The following GRAMD4 variants were observed in gnomAD, a reference collection of about 807,000 sequenced individuals.
GRAMD4 encodes GRAM domain-containing protein 4.
Under a neutral mutation model 83.9 loss-of-function variants are expected in GRAMD4, and 25 were observed. The observed-to-expected ratio is 0.30, with a 90% CI of 0.22 to 0.42. GRAMD4 has a LOEUF of 0.42. GRAMD4 is among the 10% of genes least tolerant of loss of function. The pLI is 1.00. For synonymous variants in GRAMD4, 336 were observed against 320.9 expected (o/e 1.05, Z -0.50); for missense variants, 593 against 788.7 (o/e 0.75, Z 2.97).
chr22:46,615,928 C>T (rs532576192), upstream of GRAMD4, among the ~76,000 whole-genome samples: 3 of 128,762 alleles, frequency 2.3e-5, no homozygotes, highest in African/African-American at 9.0e-5. Flanking sequence ...GTGTAGGTTC[C>T]CCTGTGCGTG....
upstream of GRAMD4, among the ~76,000 whole-genome samples, chr22:46,576,867 G>T (rs2081046295): frequency 7.0e-6 from 1 of 141,988 alleles, no homozygotes; most frequent in African/African-American, 2.6e-5. Context: ...GGCCGCGCGT[G>T]CGCGTGGGTG....
chr22:46,672,898 G>A lies in GRAMD4; in HGVS notation c.1140G>A (p.Pro380=), dbSNP rs753811754. ...TTGATTTCATCTTTAAACGCTGCCC[G>A]AGGCTGCGCGCCAAGTACGACACGC... The part of the protein sequence containing the change: ...FLIDFIFKRC[P]RLRAKYDTPY... The change falls in exon 14 of 19, where the codon CCG becomes CCA. Residue 380 remains proline (P), a synonymous_variant. Coordinates refer to ENST00000406902, the MANE Select transcript of GRAMD4 (RefSeq NM_015124.5). This position sits in a 1 kb window ranked among gnomAD's most constrained non-coding sequence, Gnocchi z 4.7. 5.0e-6 allele frequency: 8 copies of A among 1,612,206 alleles called. No homozygotes were observed. Among genetic ancestry groups the A allele is most frequent in the African/African-American group, 1.3e-5 (1 of 74,898 alleles).
chr22:46,682,385 A>G, downstream of GRAMD4: 1 of 974,802 alleles, frequency 1.0e-6, no homozygotes, highest in Non-Finnish European at 1.2e-6. Flanking sequence ...AAATGATATG[A>G]TGACAGAAAA....
chr22:46,657,642 C>T (rs1038629996), intron 3 of GRAMD4, among the ~76,000 whole-genome samples: 7 of 152,232 alleles, frequency 4.6e-5, no homozygotes, highest in Non-Finnish European at 4.4e-5. Flanking sequence ...CACCTTCTCC[C>T]GAGGCTTTCC....
intron 2 of GRAMD4, among the ~76,000 whole-genome samples, chr22:46,629,099 G>GA (rs1569272257): frequency 6.6e-6 from 1 of 152,074 alleles, no homozygotes; most frequent in African/African-American, 2.4e-5. Context: ...GCTGCGGGGG[G>GA]AAACCACCTC....
At chr22:46,619,885 C>T (rs1056048947), upstream of GRAMD4, among the ~76,000 whole-genome samples, 1 of 152,198 alleles carries the variant, frequency 6.6e-6, no homozygotes, top group Non-Finnish European at 1.5e-5. Context: ...CTGCGAGTCC[C>T]CCAGGGACAT....
At chr22:46,579,921 A>G (rs1471422460) in intron 1 of GRAMD4, among the ~76,000 whole-genome samples, 1 of 152,074 alleles carries the variant, frequency 6.6e-6, no homozygotes, top group Admixed American at 6.5e-5. Flanking sequence ...GGGTATTTAC[A>G]GAGCTCCTGT....
At chr22:46,666,565 C>G (rs1164939420) in intron 9 of GRAMD4, among the ~76,000 whole-genome samples, 1 of 152,120 alleles carries the variant, frequency 6.6e-6, no homozygotes, top group Non-Finnish European at 1.5e-5. Context: ...AAGGGCCGCC[C>G]TCTCCCACAC....
At chr22:46,579,894 G>A (rs1569242291) in intron 1 of GRAMD4, among the ~76,000 whole-genome samples, 1 of 152,232 alleles carries the variant, frequency 6.6e-6, no homozygotes, top group East Asian at 1.9e-4. Context: ...CCTGCCTAGT[G>A]GCCATGGTGG....
In GRAMD4 at chr22:46,678,982, G is replaced by A. The variant is rs984305376; in HGVS notation, c.*1731G>A. 4.5e-5 allele frequency: 44 copies of A among 985,790 alleles called. 1 individual carries two copies. In the Middle Eastern group the frequency reaches 1.6e-3, roughly 35 times the overall value. The allele number at this position is 985,790 out of a possible 1,614,324, so 61.1% of individuals were successfully genotyped here. A position where few individuals can be genotyped will look rare whatever the true frequency, so the allele number is the denominator to read the frequency against. ...ATGGGGACAGAACCCGCTCTGAGCC[G>A]TGGGTCTGGCTCCTGTAGGGGACTG... On this transcript the variant is annotated 3_prime_UTR_variant, in exon 19 of 19. Transcript: ENST00000406902.
chr22:46,679,457 G>A lies in GRAMD4; in HGVS notation c.*2206G>A, dbSNP rs1016635207. The A allele has an allele frequency of 6.9e-5, 68 of 985,578 alleles. No homozygotes were observed. Among genetic ancestry groups the A allele is most frequent in the East Asian group, 5.7e-4 (5 of 8,818 alleles). 61.1% of individuals were successfully genotyped at this position (985,578 alleles called of 1,614,324 possible). A position where few individuals can be genotyped will look rare whatever the true frequency, so the allele number is the denominator to read the frequency against. ...CCCTGGAAGTCCTCGGGAGCGGAGC[G>A]CGGATCGGCACGGGCTCTGGGCTCC... On this transcript the variant is annotated 3_prime_UTR_variant, in exon 19 of 19. Transcript: ENST00000406902.
At chr22:46,582,091 G>A (rs1349086010) in intron 1 of GRAMD4, among the ~76,000 whole-genome samples, 6 of 152,290 alleles carry the variant, frequency 3.9e-5, no homozygotes, top group African/African-American at 1.4e-4. Flanking sequence ...GCTGGGTGTG[G>A]AGGCCATGGG....
At chr22:46,612,261 A>C (rs549096705) in intron 1 of GRAMD4, among the ~76,000 whole-genome samples, 1 of 151,754 alleles carries the variant, frequency 6.6e-6, no homozygotes, top group South Asian at 2.1e-4. Flanking sequence ...CCTGCATTGG[A>C]CTCCCAGAGT....
chr22:46,636,340 C>T (rs1485793328), intron 2 of GRAMD4, among the ~76,000 whole-genome samples: 5 of 152,194 alleles, frequency 3.3e-5, no homozygotes. Flanking sequence ...CCCACAGGGT[C>T]CGTCCAGCGG....
intron 5 of GRAMD4, among the ~76,000 whole-genome samples, chr22:46,662,577 C>T (rs980607524): frequency 2.0e-5 from 3 of 152,340 alleles, no homozygotes; most frequent in East Asian, 1.9e-4. Context: ...CACAGCCTCC[C>T]GCTGCGCCAT....
Position 46,666,882 on chromosome 22 carries a change from C to G in GRAMD4, c.858+9C>G. The G allele has an allele frequency of 6.3e-7, 1 of 1,574,934 alleles. No individual in the cohort carries two copies. The highest frequency in any genetic ancestry group is 1.4e-5 in the African/African-American group (1 of 73,462). On this transcript the variant is annotated intron_variant, in intron 10 of 18. Coordinates refer to ENST00000406902, the MANE Select transcript of GRAMD4 (RefSeq NM_015124.5). ...AAGTGTCTGAGCCCGTGGTAAGTCC[C>G]TGGAGGGTGCACGGTCTCCTCCGAC...
At chr22:46,669,956 A>C (rs1263619414) in intron 13 of GRAMD4, among the ~76,000 whole-genome samples, 5 of 152,176 alleles carry the variant, frequency 3.3e-5, no homozygotes, top group African/African-American at 1.2e-4. Flanking sequence ...CCAGTGTCTG[A>C]CATGGGCCAC....
chr22:46,673,097 G>A, intron 14 of GRAMD4, 100 bp downstream of exon 14: 1 of 976,712 alleles, frequency 1.0e-6, no homozygotes, highest in Non-Finnish European at 1.5e-6. Flanking sequence ...CTCATTTAGA[G>A]GCTGTTTCTT....
downstream of GRAMD4, among the ~76,000 whole-genome samples, chr22:46,680,637 TCCATTCA>T (rs1569313580): frequency 1.7e-4 from 11 of 66,614 alleles, no homozygotes; most frequent in African/African-American, 6.0e-4. Context: ...CATCCCTCCA[TCCATTCA>T]TCCATCCACC....
Sources: allele counts gnomAD v4.1 joint callset (sites outside exome capture counted in the v4.1 genomes callset), GRCh38; gene constraint gnomAD v4.1.1; non-coding constraint Gnocchi (gnomAD v3.1); transcripts MANE v1.5; gene names NCBI Gene and HGNC (gene_info 2026-07-23, HGNC 2026-07-21).